Variants in ACTR3C observed in about 807,000 individuals in gnomAD.
The protein encoded by ACTR3C is actin related protein 3C.
A neutral mutation model predicts 26.3 loss-of-function variants in ACTR3C; 18 were observed. The observed-to-expected ratio is 0.68, with a 90% CI of 0.47 to 1.01. The LOEUF is 1.01. Ranked by LOEUF, ACTR3C falls within the 50% of genes least tolerant of loss-of-function variation. The pLI, the probability that ACTR3C is intolerant of heterozygous loss-of-function variation, is 0.00. For synonymous variants in ACTR3C, 55 were observed against 94.5 expected, an observed-to-expected ratio of 0.58 and a Z score of 2.42; for missense variants, 184 against 250.7, an observed-to-expected ratio of 0.73 and a Z score of 1.80.
Position 150,247,248 on chromosome 7 carries a change from C to T in ACTR3C, c.*360G>A, listed in dbSNP as rs1832512753. The T allele has an allele frequency of 6.6e-6, 1 of 152,146 alleles. No homozygotes were observed. The highest frequency in any genetic ancestry group is 1.5e-5 in the Non-Finnish European group (1 of 68,036). 9.4% of individuals were successfully genotyped at this position (152,146 alleles called of 1,614,324 possible). A position where few individuals can be genotyped will look rare whatever the true frequency, so the allele number is the denominator to read the frequency against. ...ACCATTTATTTCTGGCACAGCTTTC[C>T]CTCTCTCTCTCCAGGTGAAGTTTGT... On this transcript the variant is annotated 3_prime_UTR_variant, in exon 8 of 8. Transcript: ENST00000683684.
At chr7:150,198,213 G>A in the ACTR3C span, among the ~76,000 whole-genome samples, 4 of 148,946 alleles carry the variant, frequency 2.7e-5, no homozygotes, top group Non-Finnish European at 4.5e-5. Context: ...CCTCCCAGCC[G>A]CCTGCCTTGG....
At chr7:149,908,850 C>T in the ACTR3C span, among the ~76,000 whole-genome samples, 1,877 of 151,900 alleles carry the variant, frequency 0.012, 39 homozygotes, top group African/African-American at 0.043. Flanking sequence ...GGCACGATCC[C>T]GGCTCACTGC....
At chr7:150,032,503 T>A in the ACTR3C span, among the ~76,000 whole-genome samples, 1 of 151,866 alleles carries the variant, frequency 6.6e-6, no homozygotes, top group African/African-American at 2.4e-5. Flanking sequence ...AAACCCTGAA[T>A]GAGATTTCAC....
chr7:150,146,468 CATT>C, the ACTR3C span, among the ~76,000 whole-genome samples: 5 of 152,190 alleles, frequency 3.3e-5, no homozygotes, highest in Non-Finnish European at 7.3e-5. Context: ...TTCAAATTGA[CATT>C]ATCACTTTAC....
chr7:150,125,081 G>T, the ACTR3C span, among the ~76,000 whole-genome samples: 10 of 152,144 alleles, frequency 6.6e-5, no homozygotes, highest in South Asian at 2.1e-4. Flanking sequence ...TTTCTTGAAG[G>T]CTTTGCAATT....
At chr7:150,042,545 G>T in the ACTR3C span, among the ~76,000 whole-genome samples, 1 of 150,710 alleles carries the variant, frequency 6.6e-6, no homozygotes, top group African/African-American at 2.4e-5. Context: ...GCCAGGGGGG[G>T]AAGAGGGGTT....
At chr7:150,142,458 T>C in the ACTR3C span, among the ~76,000 whole-genome samples, 1 of 152,166 alleles carries the variant, frequency 6.6e-6, no homozygotes, top group Non-Finnish European at 1.5e-5. Flanking sequence ...CTCACTAACC[T>C]CTTACACAGG....
the ACTR3C span, among the ~76,000 whole-genome samples, chr7:150,203,706 C>G: frequency 1.3e-5 from 2 of 152,160 alleles, no homozygotes; most frequent in African/African-American, 4.8e-5. Flanking sequence ...GTGGGGATTA[C>G]AGGTGCCCGC....
chr7:149,945,105 C>T, the ACTR3C span, among the ~76,000 whole-genome samples: 28,532 of 151,030 alleles, frequency 0.19, 3,694 homozygotes, highest in African/African-American at 0.37. Context: ...GAGGCTGAGG[C>T]GGGGCTGTGG....
At chr7:150,130,959 G>A in the ACTR3C span, among the ~76,000 whole-genome samples, 3,588 of 152,258 alleles carry the variant, frequency 0.024, 86 homozygotes, top group African/African-American at 0.082. Flanking sequence ...GCAGAGCACT[G>A]ATTTCCGAGG....
chr7:150,175,701 A>G, the ACTR3C span, among the ~76,000 whole-genome samples: 1 of 147,742 alleles, frequency 6.8e-6, no homozygotes, highest in Non-Finnish European at 1.5e-5. Flanking sequence ...AATCCTAGCT[A>G]TACAGGAGGC....
the ACTR3C span, among the ~76,000 whole-genome samples, chr7:150,186,636 G>T: frequency 6.6e-6 from 1 of 152,044 alleles, no homozygotes; most frequent in Non-Finnish European, 1.5e-5. Context: ...TATGCTCAGG[G>T]TTATTTACTT....
At chr7:150,053,536 GC>G in the ACTR3C span, among the ~76,000 whole-genome samples, 1 of 152,236 alleles carries the variant, frequency 6.6e-6, no homozygotes. Context: ...GGTATGGTCA[GC>G]CTTAGAACTG....
the ACTR3C span, among the ~76,000 whole-genome samples, chr7:150,032,580 G>T: frequency 1.3e-5 from 2 of 152,088 alleles, no homozygotes; most frequent in African/African-American, 4.8e-5. Flanking sequence ...AACTTCATGA[G>T]CTTAGAGCAG....
At chr7:150,156,873 C>T in the ACTR3C span, among the ~76,000 whole-genome samples, 2 of 151,792 alleles carry the variant, frequency 1.3e-5, no homozygotes, top group Non-Finnish European at 1.5e-5. Context: ...AGGTTTATTC[C>T]TGTCTAGTAT....
At chr7:149,882,268 T>A in the ACTR3C span, among the ~76,000 whole-genome samples, 1 of 152,240 alleles carries the variant, frequency 6.6e-6, no homozygotes, top group Non-Finnish European at 1.5e-5. Context: ...TTGTCTCGGC[T>A]TCTGCTCTTT....
the ACTR3C span, among the ~76,000 whole-genome samples, chr7:149,987,852 A>G: frequency 6.6e-6 from 1 of 152,142 alleles, no homozygotes; most frequent in Non-Finnish European, 1.5e-5. Context: ...ACAAACCCCC[A>G]TGACATAAGC....
chr7:149,979,357 C>T, the ACTR3C span, among the ~76,000 whole-genome samples: 10,727 of 152,140 alleles, frequency 0.071, 548 homozygotes, highest in East Asian at 0.25. Context: ...TTAAAGAAAC[C>T]TACAGTGAGG....
At chr7:150,189,454 A>C in the ACTR3C span, among the ~76,000 whole-genome samples, 2 of 151,446 alleles carry the variant, frequency 1.3e-5, no homozygotes, top group Non-Finnish European at 2.9e-5. Flanking sequence ...AATTTCGTAT[A>C]TTTTGACAAA....
Sources: gnomAD v4.1 joint callset for allele counts (sites outside exome capture counted in the v4.1 genomes callset) on GRCh38, gnomAD v4.1.1 for gene constraint, MANE v1.5 for transcripts, NCBI Gene and HGNC (gene_info 2026-07-23, HGNC 2026-07-21) for gene names.